Variants in LPAR3 observed in about 807,000 individuals in gnomAD.
LPAR3 encodes the protein lysophosphatidic acid receptor 3.
A neutral mutation model predicts 17.8 loss-of-function variants in LPAR3; 7 were observed. The ratio of observed to expected loss-of-function variants is 0.39; its 90% CI spans 0.22 to 0.74. The LOEUF is 0.74. Among genes scored for constraint, LPAR3 ranks in the 30% least tolerant of loss-of-function variants. The pLI is 0.40. For missense variants in LPAR3, 391 were observed against 453.4 expected (o/e 0.86, Z 1.25); for synonymous variants, 179 against 179.9 (o/e 0.99, Z 0.04).
intron 2 of LPAR3, among the ~76,000 whole-genome samples, chr1:84,815,887 G>C (rs996761675): frequency 6.6e-5 from 10 of 152,276 alleles, no homozygotes; most frequent in African/African-American, 2.4e-4. Flanking sequence ...TTCAGCAGTG[G>C]TTCCCTTTTT....
At chr1:84,866,216 C>T (rs1381644954) in intron 1 of LPAR3, 78 bp from the exon 2 acceptor site, 14 of 1,123,586 alleles carry the variant, frequency 1.2e-5, no homozygotes, top group East Asian at 2.4e-5. Flanking sequence ...TTTCTAAGCC[C>T]GTTCTGGCTA....
chr1:84,827,569 G>T (rs1659187044), intron 2 of LPAR3, among the ~76,000 whole-genome samples: 1 of 152,086 alleles, frequency 6.6e-6, no homozygotes, highest in Non-Finnish European at 1.5e-5. Context: ...CCCCAGAGTG[G>T]GCGATATGAC....
intron 2 of LPAR3, among the ~76,000 whole-genome samples, chr1:84,827,898 T>A (rs1221816820): frequency 6.6e-6 from 1 of 152,078 alleles, no homozygotes; most frequent in Non-Finnish European, 1.5e-5. Context: ...CATATCCACA[T>A]GGGCTAATTT....
At chr1:84,864,226 AAAAAAC>A (rs1346338640) in intron 2 of LPAR3, among the ~76,000 whole-genome samples, 8 of 144,028 alleles carry the variant, frequency 5.6e-5, no homozygotes, top group African/African-American at 2.0e-4. Flanking sequence ...AAAAAAAAAC[AAAAAAC>A]AAAAAAACAG....
intron 2 of LPAR3, among the ~76,000 whole-genome samples, chr1:84,848,667 T>C (rs1026542488): frequency 6.6e-6 from 1 of 152,174 alleles, no homozygotes; most frequent in Admixed American, 6.5e-5. Context: ...TCCATGCAAC[T>C]GAGAAGACAC....
Position 84,865,887 on chromosome 1 carries a change from G to A in LPAR3, c.234C>T (p.Phe78=), listed in dbSNP as rs142600008. Residue 78 remains phenylalanine (F), a synonymous_variant, in exon 2 of 3, where the codon TTC becomes TTT. Coordinates refer to ENST00000370611, the MANE Select transcript of LPAR3 (RefSeq NM_012152.3). ...TCAGGAATACATAGGCAATTCCAGC[G>A]AAGAAATCGGCAGCAGCTAAATTAG... ...LLANLAAADF[F]AGIAYVFLMF... 16 of 1,614,006 alleles carry A rather than the reference G, an allele frequency of 9.9e-6. No homozygotes were observed. The African/African-American group carries it at 1.1e-4, about 11-fold the overall frequency.
At chr1:84,846,372 G>A (rs937356053) in intron 2 of LPAR3, among the ~76,000 whole-genome samples, 5 of 152,066 alleles carry the variant, frequency 3.3e-5, no homozygotes, top group African/African-American at 4.8e-5. Context: ...TTTTATTTTC[G>A]TAATGCTATA....
At chr1:84,866,709 A>T (rs996810722) in intron 1 of LPAR3, among the ~76,000 whole-genome samples, 2 of 152,220 alleles carry the variant, frequency 1.3e-5, no homozygotes, top group African/African-American at 4.8e-5. Context: ...AGATACCCCA[A>T]GAGACCAGTT....
At chr1:84,857,762 C>T (rs1195538913) in intron 2 of LPAR3, among the ~76,000 whole-genome samples, 1 of 152,166 alleles carries the variant, frequency 6.6e-6, no homozygotes, top group African/African-American at 2.4e-5. Context: ...AGTATGGAGC[C>T]AGTCTCCTGG....
At chr1:84,852,382 T>G (rs979675884) in intron 2 of LPAR3, among the ~76,000 whole-genome samples, 2 of 151,998 alleles carry the variant, frequency 1.3e-5, no homozygotes, top group Non-Finnish European at 2.9e-5. Context: ...CCCAGCCAAT[T>G]TGGTGAATAA....
intron 1 of LPAR3, among the ~76,000 whole-genome samples, chr1:84,886,619 A>G (rs948505203): frequency 6.6e-6 from 1 of 152,248 alleles, no homozygotes; most frequent in South Asian, 2.1e-4. Context: ...AAAGGTAACT[A>G]TGATGGGCAT....
At chr1:84,872,330 T>G (rs1040977774) in intron 1 of LPAR3, among the ~76,000 whole-genome samples, 1 of 152,116 alleles carries the variant, frequency 6.6e-6, no homozygotes, top group Non-Finnish European at 1.5e-5. Flanking sequence ...GAGACTTGGC[T>G]CCAAGTCCTG....
At position 84,865,768 on chromosome 1, in the gene LPAR3, G is replaced by C; in HGVS notation, c.353C>G (p.Thr118Ser). ...LLDSSLTASLTNLLVIAVERH... is the reference protein window; with the variant it reads ...LLDSSLTASLSNLLVIAVERH... Reference sequence around the variant, plus strand: ...CTCCACGGCGATAACCAGCAAGTTGGTGAGGGAAGCAGTCAAGCTACTGTC... The same window carrying C: ...CTCCACGGCGATAACCAGCAAGTTGCTGAGGGAAGCAGTCAAGCTACTGTC... Residue 118 changes from threonine to serine, a missense_variant, in exon 2 of 3, where the codon ACC (threonine) becomes AGC (serine). Transcript: ENST00000370611. 1.9e-6 allele frequency: 3 copies of C among 1,614,238 alleles called. No individual in the cohort carries two copies. The highest frequency in any genetic ancestry group is 2.5e-6 in the Non-Finnish European group (3 of 1,180,048).
At chr1:84,856,165 G>A (rs1206190545) in intron 2 of LPAR3, among the ~76,000 whole-genome samples, 2 of 152,088 alleles carry the variant, frequency 1.3e-5, no homozygotes, top group East Asian at 3.9e-4. Flanking sequence ...ATGCCATGAA[G>A]CACACAGGAA....
chr1:84,873,337 C>T (rs924542381), intron 1 of LPAR3, among the ~76,000 whole-genome samples: 2 of 152,084 alleles, frequency 1.3e-5, no homozygotes, highest in Non-Finnish European at 2.9e-5. Flanking sequence ...CTGTACTATC[C>T]GTTCAATTTT....
intron 1 of LPAR3, among the ~76,000 whole-genome samples, chr1:84,866,745 G>A (rs557646717): frequency 6.6e-6 from 1 of 152,248 alleles, no homozygotes; most frequent in Admixed American, 6.5e-5. Flanking sequence ...TTCCACTCCT[G>A]ATCCTCCTTT....
At chr1:84,868,109 A>G (rs1222654940) in intron 1 of LPAR3, among the ~76,000 whole-genome samples, 1 of 149,682 alleles carries the variant, frequency 6.7e-6, no homozygotes, top group Non-Finnish European at 1.5e-5. Context: ...CTTAAGAGAG[A>G]TAGCATTTTT....
intron 1 of LPAR3, among the ~76,000 whole-genome samples, chr1:84,885,719 G>C (rs1445251565): frequency 6.6e-6 from 1 of 152,212 alleles, no homozygotes; most frequent in Non-Finnish European, 1.5e-5. Context: ...AGGCTAGCAG[G>C]CCTGGCAGCC....
chr1:84,887,451 G>A (rs189852907), intron 1 of LPAR3, among the ~76,000 whole-genome samples: 128 of 151,986 alleles, frequency 8.4e-4, no homozygotes, highest in Middle Eastern at 6.8e-3. Flanking sequence ...ATCAATAAAT[G>A]GTAGTTTCTG....
Sources: gnomAD v4.1 joint callset for allele counts (sites outside exome capture counted in the v4.1 genomes callset) on GRCh38, gnomAD v4.1.1 for gene constraint, MANE v1.5 for transcripts, NCBI Gene and HGNC (gene_info 2026-07-23, HGNC 2026-07-21) for gene names.